Variants in SVEP1 observed in about 807,000 individuals in gnomAD.
SVEP1 encodes sushi, von Willebrand factor type A, EGF and pentraxin domain-containing protein 1.
In SVEP1, 164 loss-of-function variants were observed where a neutral mutation model predicts 367.3. The ratio of observed to expected loss-of-function variants is 0.45; its 90% CI spans 0.39 to 0.51. SVEP1 has a LOEUF of 0.51. Among genes scored for constraint, SVEP1 ranks in the 20% least tolerant of loss-of-function variants. The probability of loss-of-function intolerance (pLI) is 0.00; values close to 1 mark genes in which losing one functional copy is unlikely to be tolerated. For synonymous variants in SVEP1, 1,666 were observed against 1,611.6 expected, an observed-to-expected ratio of 1.03 and a Z score of -0.81; for missense variants, 4,117 against 4,425.3, an observed-to-expected ratio of 0.93 and a Z score of 1.98.
In SVEP1 at chr9:110,398,551, A is replaced by G. The variant is rs550998612; in HGVS notation, c.9822+2303T>C. On this transcript the variant is annotated intron_variant, in intron 40 of 47. Transcript: ENST00000374469. ...AAAAGAAACTATCATTAGAGTGAAC[A>G]GGCAACCTACAGAATGGGAGAAAAT... is the stretch of plus-strand genomic sequence containing the variant. 3.3e-5 allele frequency among the ~76,000 whole-genome samples: 5 copies of G among 149,660 alleles called. No individual in the cohort carries two copies. In the East Asian group the frequency reaches 7.8e-4, roughly 23 times the overall value.
chr9:110,579,290 A>C lies in SVEP1; in HGVS notation c.254T>G (p.Val85Gly). ...GCTGGACGAATCATCCACCAGGAAG[A>C]CAAGCTCCAGGCGCTCGCTGAGCTC... Reference protein sequence around the residue: ...LRELSERLELVFLVDDSSSVG... With the variant: ...LRELSERLELGFLVDDSSSVG... Residue 85 changes from valine (V) to glycine (G), a missense_variant, in exon 1 of 48, where the codon GTC (valine) becomes GGC (glycine). Physicochemically the swap from Val to Gly is moderately radical, Grantham distance 109 (BLOSUM62 -3). Coordinates refer to ENST00000374469, the MANE Select transcript of SVEP1 (RefSeq NM_153366.4). The surrounding 1 kb of genome is among the most constrained non-coding windows in gnomAD (Gnocchi z 5.3). 1 of 1,571,734 alleles carries C rather than the reference A, an allele frequency of 6.4e-7. No homozygotes were observed. The highest frequency in any genetic ancestry group is 8.6e-7 in the Non-Finnish European group (1 of 1,160,006).
chr9:110,463,452 T>C (rs974175009), intron 18 of SVEP1, among the ~76,000 whole-genome samples: 1 of 151,884 alleles, frequency 6.6e-6, no homozygotes, highest in African/African-American at 2.4e-5. Context: ...AAGTGCCACA[T>C]GATAGAGAAA....
At chr9:110,397,368 C>A (rs1827780021) in intron 40 of SVEP1, among the ~76,000 whole-genome samples, 1 of 152,206 alleles carries the variant, frequency 6.6e-6, no homozygotes, top group Admixed American at 6.5e-5. Flanking sequence ...CTATCTATGA[C>A]AAACCCACAG....
intron 27 of SVEP1, among the ~76,000 whole-genome samples, chr9:110,438,800 C>T (rs993274709): frequency 1.1e-4 from 17 of 152,132 alleles, no homozygotes; most frequent in Admixed American, 3.9e-4. Context: ...TACTTGCCAG[C>T]GCTCTATACA....
intron 5 of SVEP1, among the ~76,000 whole-genome samples, chr9:110,508,339 A>G (rs1025916023): frequency 4.6e-5 from 7 of 152,078 alleles, no homozygotes; most frequent in African/African-American, 1.7e-4. Flanking sequence ...CCAAATTGTG[A>G]TATCTATTAC....
intron 44 of SVEP1, 124 bp downstream of exon 44, chr9:110,379,223 T>C: frequency 1.8e-6 from 2 of 1,099,114 alleles, no homozygotes; most frequent in Non-Finnish European, 2.5e-6. Context: ...ACACAGCTGC[T>C]AAAAGAAATT....
At chr9:110,435,621 C>T (rs1828420597) in intron 28 of SVEP1, among the ~76,000 whole-genome samples, 1 of 152,144 alleles carries the variant, frequency 6.6e-6, no homozygotes, top group Non-Finnish European at 1.5e-5. Flanking sequence ...CTAGAATTCC[C>T]TATGTAAAGC....
At chr9:110,562,036 G>A (rs577439603) in intron 1 of SVEP1, among the ~76,000 whole-genome samples, 5 of 152,036 alleles carry the variant, frequency 3.3e-5, no homozygotes, top group East Asian at 3.9e-4. Context: ...TATTAAACAT[G>A]GATACAAATC....
chr9:110,429,584 C>A (rs1828318770), intron 34 of SVEP1, among the ~76,000 whole-genome samples: 1 of 151,938 alleles, frequency 6.6e-6, no homozygotes, highest in Non-Finnish European at 1.5e-5. Flanking sequence ...TTAGTAACTA[C>A]AAACAGGGAA....
chr9:110,547,223 G>A (rs1830231507), intron 2 of SVEP1, among the ~76,000 whole-genome samples: 1 of 152,104 alleles, frequency 6.6e-6, no homozygotes, highest in South Asian at 2.1e-4. Flanking sequence ...GTGCAACCAG[G>A]TACCCTGGTA....
chr9:110,390,863 C>T (rs751522544), intron 40 of SVEP1, among the ~76,000 whole-genome samples: 23 of 152,094 alleles, frequency 1.5e-4, no homozygotes, highest in Non-Finnish European at 1.9e-4. Flanking sequence ...GTAGAAAGAA[C>T]AGTATAAGAA....
In SVEP1 at chr9:110,458,197, T is replaced by G. The variant is rs982189103; in HGVS notation, c.3576+274A>C. The stretch of plus-strand genomic sequence containing the variant: ...GGGTTGTGCTTGTGGTAAGTGCTTA[T>G]AGTGAATCAAAAGGCTCCCCCTGGA... On this transcript the variant is annotated intron_variant, in intron 20 of 47. Transcript: ENST00000374469. The G allele has an allele frequency of 1.5e-4, 85 of 577,376 alleles. No individual in the cohort carries two copies. The African/African-American group carries it at 1.5e-3, about 10-fold the overall frequency. 35.8% of individuals were successfully genotyped at this position (577,376 alleles called of 1,614,324 possible). A position where few individuals can be genotyped will look rare whatever the true frequency, so the allele number is the denominator to read the frequency against.
intron 1 of SVEP1, among the ~76,000 whole-genome samples, chr9:110,564,275 G>A (rs1350750565): frequency 6.6e-6 from 1 of 152,138 alleles, no homozygotes; most frequent in African/African-American, 2.4e-5. Context: ...TACTGAGAAA[G>A]AAGAAAAATG....
chr9:110,474,726 A>G (rs1564153227), intron 14 of SVEP1, among the ~76,000 whole-genome samples: 3 of 152,182 alleles, frequency 2.0e-5, no homozygotes, highest in Admixed American at 2.0e-4. Flanking sequence ...CTAAAACCTT[A>G]ATTTCCAAAA....
chr9:110,528,238 T>C (rs1313334004), intron 3 of SVEP1, among the ~76,000 whole-genome samples: 2 of 146,396 alleles, frequency 1.4e-5, no homozygotes, highest in Non-Finnish European at 3.0e-5. Context: ...AGGTTGATTC[T>C]GTATCTTTGC....
At chr9:110,460,743 A>G (rs1377410813) in intron 18 of SVEP1, among the ~76,000 whole-genome samples, 2 of 151,478 alleles carry the variant, frequency 1.3e-5, no homozygotes, top group East Asian at 3.9e-4. Flanking sequence ...ACGGAGTGAG[A>G]CTCCGTCTCA....
rs780448403 is a variant in SVEP1, at chr9:110,481,207, AC to A, written c.2365+34del. ...CTTAGAAATGTACACACATTCACAC[AC>A]ATTAAAGAAGTCTAGAATAAAATTA... On this transcript the variant is annotated intron_variant, in intron 12 of 47. Coordinates refer to ENST00000374469, the MANE Select transcript of SVEP1 (RefSeq NM_153366.4). The A allele has an allele frequency of 3.1e-4, 433 of 1,376,742 alleles. 1 individual carries two copies. The highest frequency in any genetic ancestry group is 8.0e-4 in the Admixed American group (28 of 35,062). The allele number at this position is 1,376,742 out of a possible 1,614,324, so 85.3% of individuals were successfully genotyped here. A position where few individuals can be genotyped will look rare whatever the true frequency, so the allele number is the denominator to read the frequency against.
Position 110,406,601 on chromosome 9 carries a change from G to C in SVEP1, c.8999C>G (p.Pro3000Arg). The C allele has an allele frequency of 6.2e-7, 1 of 1,613,874 alleles. No individual in the cohort carries two copies. Among genetic ancestry groups the C allele is most frequent in the South Asian group, 1.1e-5 (1 of 91,080 alleles). ...GGAACATCTGCAAGGCAGGCAGGAA[G>C]GTGAGCTGCCACTCCAGGAGCCATT... ...LSNGSWSGSS[P>R]SCLPCRCSTP... The change falls in exon 38 of 48, where the codon CCT becomes CGT. Residue 3000 changes from proline (P) to arginine (R), a missense_variant. This residue lies in a region of SVEP1 where 1,765 missense variants were observed against 1,781.1 expected (regional missense o/e 0.99). Coordinates refer to ENST00000374469, the MANE Select transcript of SVEP1 (RefSeq NM_153366.4).
At chr9:110,370,193 A>AC (rs1228304551) in intron 46 of SVEP1, among the ~76,000 whole-genome samples, 177 bp from the exon 47 acceptor site, 6 of 152,000 alleles carry the variant, frequency 3.9e-5, no homozygotes, top group Non-Finnish European at 7.4e-5. Context: ...CTTATGTGGT[A>AC]CCACCTCCCT....
Sources: gnomAD v4.1 joint callset for allele counts (sites outside exome capture counted in the v4.1 genomes callset) on GRCh38, gnomAD v4.1.1 for gene constraint, gnomAD v4.1.1 regional missense constraint, Gnocchi (gnomAD v3.1) non-coding constraint, MANE v1.5 for transcripts, NCBI Gene and HGNC (gene_info 2026-07-23, HGNC 2026-07-21) for gene names.